AFF3: variants seen among roughly 807,000 people sequenced by gnomAD.
AFF3 encodes the protein AF4/FMR2 family member 3.
Under a neutral mutation model 129.7 loss-of-function variants are expected in AFF3, and 32 were observed. The ratio of observed to expected loss-of-function variants is 0.25; its 90% CI spans 0.19 to 0.33. The LOEUF (loss-of-function observed/expected upper bound fraction) is 0.33. Among genes scored for constraint, AFF3 ranks in the 10% least tolerant of loss-of-function variants. The pLI is 1.00. For synonymous variants in AFF3, 644 were observed against 635.4 expected, an observed-to-expected ratio of 1.01 and a Z score of -0.20; for missense variants, 1,373 against 1,592.0, an observed-to-expected ratio of 0.86 and a Z score of 2.34.
intron 11 of AFF3, among the ~76,000 whole-genome samples, chr2:99,692,351 C>G (rs1410267516): frequency 6.6e-6 from 1 of 152,200 alleles, no homozygotes; most frequent in Non-Finnish European, 1.5e-5. Context: ...TCTGCTCTCC[C>G]CCTTCTTCAG....
chr2:99,819,730 A>C (rs905403665), intron 8 of AFF3, among the ~76,000 whole-genome samples: 1 of 152,366 alleles, frequency 6.6e-6, no homozygotes, highest in African/African-American at 2.4e-5. Flanking sequence ...CCAGCCACTA[A>C]GCACCAAAGC....
chr2:99,982,824 G>C (rs1465885372), intron 7 of AFF3, among the ~76,000 whole-genome samples: 1 of 152,090 alleles, frequency 6.6e-6, no homozygotes, highest in Non-Finnish European at 1.5e-5. Context: ...AATCAGAACA[G>C]AAAAAAATTC....
At chr2:100,111,091 C>T (rs969933152) in intron 2 of AFF3, among the ~76,000 whole-genome samples, 4 of 152,230 alleles carry the variant, frequency 2.6e-5, no homozygotes, top group Non-Finnish European at 5.9e-5. Context: ...GAGGCTAGGT[C>T]CTTGATGACT....
intron 7 of AFF3, among the ~76,000 whole-genome samples, chr2:99,944,537 T>A (rs1398261421): frequency 6.6e-6 from 1 of 152,204 alleles, no homozygotes; most frequent in African/African-American, 2.4e-5. Flanking sequence ...GGGAATCCAG[T>A]GATGAATGGA....
chr2:99,764,148 T>C (rs752203584), intron 8 of AFF3, among the ~76,000 whole-genome samples: 3 of 152,196 alleles, frequency 2.0e-5, no homozygotes, highest in Non-Finnish European at 4.4e-5. Context: ...CCTTGGTCTG[T>C]AGATTCTCAC....
At chr2:100,027,509 C>A (rs1684142913) in intron 4 of AFF3, among the ~76,000 whole-genome samples, 1 of 152,128 alleles carries the variant, frequency 6.6e-6, no homozygotes, top group Non-Finnish European at 1.5e-5. Context: ...ACTGCCAAGG[C>A]CTTCCAGGAA....
chr2:99,613,850 T>C (rs1458914766), intron 13 of AFF3, among the ~76,000 whole-genome samples: 1 of 152,246 alleles, frequency 6.6e-6, no homozygotes, highest in Non-Finnish European at 1.5e-5. Context: ...TTCCTTACTT[T>C]CTAAATAGAT....
chr2:99,916,926 T>C (rs111706505), intron 7 of AFF3, among the ~76,000 whole-genome samples: 256 of 152,248 alleles, frequency 1.7e-3, no homozygotes, highest in African/African-American at 6.0e-3. Context: ...TGGCATCTCC[T>C]TGGTGAGCTA....
chr2:99,693,963 G>A (rs1366226799), intron 11 of AFF3, among the ~76,000 whole-genome samples: 1 of 151,404 alleles, frequency 6.6e-6, no homozygotes, highest in African/African-American at 2.4e-5. Flanking sequence ...TGTCACCCAG[G>A]GTGCAGTGCA....
At chr2:100,131,408 G>A (rs1692424695) in intron 1 of AFF3, among the ~76,000 whole-genome samples, 1 of 152,082 alleles carries the variant, frequency 6.6e-6, no homozygotes, top group Non-Finnish European at 1.5e-5. Flanking sequence ...ACACACCCCA[G>A]GGATCTAGGG....
At chr2:99,923,551 C>T (rs1696011546) in intron 7 of AFF3, among the ~76,000 whole-genome samples, 1 of 152,190 alleles carries the variant, frequency 6.6e-6, no homozygotes, top group Admixed American at 6.5e-5. Flanking sequence ...GAAAGATGAT[C>T]AGGATCCTCT....
chr2:99,758,992 GC>G (rs1448964858), intron 8 of AFF3, among the ~76,000 whole-genome samples: 1 of 152,082 alleles, frequency 6.6e-6, no homozygotes, highest in Non-Finnish European at 1.5e-5. Context: ...AGAAAAACTA[GC>G]CTCTGCTTTT....
At chr2:99,998,488 G>A (rs1005070253) in intron 7 of AFF3, among the ~76,000 whole-genome samples, 1 of 152,062 alleles carries the variant, frequency 6.6e-6, no homozygotes, top group Non-Finnish European at 1.5e-5. Flanking sequence ...AAGAATGGGG[G>A]AGAGGTGGGC....
chr2:100,088,313 C>T (rs1280086324), intron 4 of AFF3, among the ~76,000 whole-genome samples: 7 of 152,072 alleles, frequency 4.6e-5, no homozygotes, highest in African/African-American at 1.7e-4. Context: ...CTCATGAATA[C>T]ACTCAGCGAG....
intron 4 of AFF3, among the ~76,000 whole-genome samples, chr2:100,070,149 T>C (rs1447069313): frequency 6.6e-6 from 1 of 152,108 alleles, no homozygotes; most frequent in Non-Finnish European, 1.5e-5. Context: ...GAAAAAAGTG[T>C]CTCCTGGATT....
intron 7 of AFF3, among the ~76,000 whole-genome samples, chr2:99,950,948 A>G (rs1676105111): frequency 6.6e-6 from 1 of 152,224 alleles, no homozygotes; most frequent in South Asian, 2.1e-4. Flanking sequence ...ACACATACAC[A>G]TATGTCCCTT....
chr2:100,119,796 G>A lies in AFF3; in HGVS notation c.-145+9428C>T, dbSNP rs182546011. Among the ~76,000 whole-genome samples the A allele has an allele frequency of 2.0e-5, 3 of 152,310 alleles. No individual in the cohort carries two copies. In the East Asian group the frequency reaches 5.8e-4, roughly 29 times the overall value. On this transcript the variant is annotated intron_variant, in intron 2 of 24. Transcript: ENST00000672756. ...TGTCAGCCATTCCCGGAGTCTGTGT[G>A]CTCCCCCACATAGAATACTTGCCTG...
intron 12 of AFF3, among the ~76,000 whole-genome samples, chr2:99,671,961 G>T (rs1457169225): frequency 6.6e-6 from 1 of 152,054 alleles, no homozygotes; most frequent in Non-Finnish European, 1.5e-5. Context: ...TCAACACCAG[G>T]GGAGAATATT....
At chr2:100,047,566 T>C (rs1685939023) in intron 4 of AFF3, among the ~76,000 whole-genome samples, 1 of 152,322 alleles carries the variant, frequency 6.6e-6, no homozygotes, top group Middle Eastern at 3.4e-3. Context: ...ACTCAAAAAA[T>C]AATCCGTAGT....
Sources: gnomAD v4.1 joint callset for allele counts (sites outside exome capture counted in the v4.1 genomes callset) on GRCh38, gnomAD v4.1.1 for gene constraint, MANE v1.5 for transcripts, NCBI Gene and HGNC (gene_info 2026-07-23, HGNC 2026-07-21) for gene names.